SNX29: variants seen among roughly 807,000 people sequenced by gnomAD.
SNX29 encodes the protein sorting nexin 29, also known as sorting nexin-29.
SNX29 carries 78 observed loss-of-function variants against 102.1 expected under a neutral mutation model. The ratio of observed to expected loss-of-function variants is 0.76; its 90% CI spans 0.64 to 0.92. The LOEUF is 0.92. SNX29 is among the 40% of genes least tolerant of loss of function. The pLI, the probability that SNX29 is intolerant of heterozygous loss-of-function variation, is 0.00. For missense variants in SNX29, 1,280 were observed against 1,061.7 expected, an observed-to-expected ratio of 1.21 and a Z score of -2.86; for synonymous variants, 580 against 414.5, an observed-to-expected ratio of 1.40 and a Z score of -4.85.
intron 15 of SNX29, among the ~76,000 whole-genome samples, chr16:12,347,044 CTTTAAACTGTAATCCCA>C (rs2081834038): frequency 6.6e-6 from 1 of 152,214 alleles, no homozygotes; most frequent in Non-Finnish European, 1.5e-5. Flanking sequence ...TGTTGTCCCT[CTTTAAACTGTAATCCCA>C]TCCTGATGTG....
At chr16:12,406,799 C>CT (rs1179523906) in intron 18 of SNX29, among the ~76,000 whole-genome samples, 1 of 152,164 alleles carries the variant, frequency 6.6e-6, no homozygotes, top group Non-Finnish European at 1.5e-5. Context: ...ATCCCAGCTA[C>CT]TTGGGAGGCT....
chr16:12,521,200 CAAAT>C (rs752266956), intron 19 of SNX29, among the ~76,000 whole-genome samples: 8 of 152,164 alleles, frequency 5.3e-5, no homozygotes, highest in South Asian at 2.1e-4. Context: ...AAAACAAAAA[CAAAT>C]AAAACACTCG....
chr16:12,382,262 C>T (rs1317464295), intron 16 of SNX29, among the ~76,000 whole-genome samples: 5 of 152,118 alleles, frequency 3.3e-5, no homozygotes, highest in East Asian at 3.9e-4. Context: ...CTGAGAAAAG[C>T]GAAGGTTAGA....
intron 14 of SNX29, among the ~76,000 whole-genome samples, chr16:12,229,153 A>G (rs376481159): frequency 1.3e-5 from 2 of 152,204 alleles, no homozygotes; most frequent in East Asian, 3.8e-4. Context: ...AATTTGCAGT[A>G]TGTCTTATTT....
At chr16:11,999,025 G>C (rs1375425411) in intron 1 of SNX29, among the ~76,000 whole-genome samples, 6 of 152,228 alleles carry the variant, frequency 3.9e-5, no homozygotes, top group Non-Finnish European at 4.4e-5. Flanking sequence ...AGAGGCCATG[G>C]ATGCAGCTAA....
At chr16:12,151,438 C>A (rs369132892) in intron 13 of SNX29, among the ~76,000 whole-genome samples, 14 of 152,254 alleles carry the variant, frequency 9.2e-5, no homozygotes, top group African/African-American at 2.9e-4. Flanking sequence ...TCATGCCATT[C>A]TTATGTGTAC....
intron 14 of SNX29, among the ~76,000 whole-genome samples, chr16:12,267,420 C>G (rs956209128): frequency 6.6e-6 from 1 of 152,144 alleles, no homozygotes; most frequent in East Asian, 1.9e-4. Flanking sequence ...TTTCTCAGCT[C>G]TGAAATAGAG....
At chr16:12,094,813 A>C (rs895105374) in intron 11 of SNX29, among the ~76,000 whole-genome samples, 1 of 152,154 alleles carries the variant, frequency 6.6e-6, no homozygotes, top group Non-Finnish European at 1.5e-5. Context: ...ACCCCAAGAC[A>C]GAAGGAAGCA....
chr16:12,538,239 C>T (rs553597511), intron 20 of SNX29, among the ~76,000 whole-genome samples: 2 of 152,052 alleles, frequency 1.3e-5, no homozygotes, highest in Admixed American at 6.6e-5. Context: ...CCTCAGTCTC[C>T]CTAGTAGCTG....
chr16:12,479,250 C>T (rs1212473303), intron 19 of SNX29, among the ~76,000 whole-genome samples: 1 of 152,210 alleles, frequency 6.6e-6, no homozygotes, highest in Non-Finnish European at 1.5e-5. Flanking sequence ...AGCCATGTGG[C>T]AGATGCCATA....
chr16:12,568,323 AG>A (rs1567224372), intron 20 of SNX29, among the ~76,000 whole-genome samples, 182 bp from the exon 21 acceptor site: 1 of 150,292 alleles, frequency 6.7e-6, no homozygotes, highest in Non-Finnish European at 1.5e-5. Context: ...AAAAATGGAA[AG>A]GTTTACGTGA....
At chr16:12,565,901 C>T (rs978381982) in intron 20 of SNX29, among the ~76,000 whole-genome samples, 1 of 152,164 alleles carries the variant, frequency 6.6e-6, no homozygotes, top group Non-Finnish European at 1.5e-5. Flanking sequence ...CTCATTGGGG[C>T]ATCCACCGTG....
intron 11 of SNX29, among the ~76,000 whole-genome samples, chr16:12,108,837 TAAAG>T (rs888482603): frequency 1.3e-5 from 2 of 151,978 alleles, no homozygotes; most frequent in Non-Finnish European, 2.9e-5. Flanking sequence ...GGGTAATTAA[TAAAG>T]AAAAGGAGGC....
intron 15 of SNX29, among the ~76,000 whole-genome samples, chr16:12,289,028 C>T (rs2079702222): frequency 6.6e-6 from 1 of 152,196 alleles, no homozygotes; most frequent in Non-Finnish European, 1.5e-5. Context: ...AAAATGAATG[C>T]AGTGACAAAC....
chr16:12,560,302 C>G (rs927023659), intron 20 of SNX29, among the ~76,000 whole-genome samples: 2 of 152,092 alleles, frequency 1.3e-5, no homozygotes, highest in South Asian at 2.1e-4. Context: ...AAAGCACACT[C>G]AAAATGTCAT....
intron 19 of SNX29, among the ~76,000 whole-genome samples, chr16:12,480,730 C>G (rs1197112303): frequency 1.3e-5 from 2 of 152,150 alleles, no homozygotes; most frequent in African/African-American, 4.8e-5. Flanking sequence ...TCTCATCAGT[C>G]CTGAAAACAC....
At chr16:12,380,446 C>T (rs1340167687) in intron 16 of SNX29, among the ~76,000 whole-genome samples, 1 of 126,168 alleles carries the variant, frequency 7.9e-6, no homozygotes, top group Non-Finnish European at 1.7e-5. Flanking sequence ...AGCTACCTAC[C>T]ACCCACCATC....
chr16:11,978,958 G>T (rs954907979), intron 1 of SNX29, among the ~76,000 whole-genome samples: 1 of 151,326 alleles, frequency 6.6e-6, no homozygotes, highest in Non-Finnish European at 1.5e-5. Flanking sequence ...ACAAAAGAAA[G>T]AAAACTTTAA....
chr16:12,152,308 T>C (rs1308609924), intron 13 of SNX29, among the ~76,000 whole-genome samples: 1 of 152,168 alleles, frequency 6.6e-6, no homozygotes, highest in African/African-American at 2.4e-5. Context: ...TAAGAGGTGG[T>C]ACCAAGCACA....
Sources: gnomAD v4.1 joint callset for allele counts (sites outside exome capture counted in the v4.1 genomes callset) on GRCh38, gnomAD v4.1.1 for gene constraint, MANE v1.5 for transcripts, NCBI Gene and HGNC (gene_info 2026-07-23, HGNC 2026-07-21) for gene names.